Variants in FAT3 observed in about 807,000 individuals in gnomAD.
FAT3 encodes FAT atypical cadherin 3.
A neutral mutation model predicts 310.2 loss-of-function variants in FAT3; 95 were observed. That is an observed-to-expected ratio of 0.31 (90% CI 0.26 to 0.36). The LOEUF is 0.36. Ranked by LOEUF, FAT3 falls within the 10% of genes least tolerant of loss-of-function variation. FAT3 has a pLI of 1.00. For missense variants in FAT3, 5,408 were observed against 5,715.6 expected (o/e 0.95, Z 1.74); for synonymous variants, 2,314 against 2,192.9 (o/e 1.06, Z -1.54).
chr11:92,594,712 G>A (rs522732), intron 3 of FAT3, among the ~76,000 whole-genome samples: 72,628 of 151,786 alleles, frequency 0.48, 17,596 homozygotes, highest in African/African-American at 0.49. Flanking sequence ...TTAATTATTC[G>A]TAACTCGGAG....
At chr11:92,682,912 T>C (rs1050284338) in intron 3 of FAT3, among the ~76,000 whole-genome samples, 2 of 152,008 alleles carry the variant, frequency 1.3e-5, no homozygotes, top group African/African-American at 4.8e-5. Context: ...ACCCAGTCTC[T>C]ACTAAAAATA....
chr11:92,750,988 G>A (rs568350282), intron 4 of FAT3, among the ~76,000 whole-genome samples: 10 of 152,328 alleles, frequency 6.6e-5, no homozygotes, highest in East Asian at 3.9e-4. Context: ...AATTGTTCAC[G>A]TTTCCTGTGG....
intron 2 of FAT3, among the ~76,000 whole-genome samples, chr11:92,418,708 G>A (rs979485807): frequency 2.2e-4 from 33 of 152,094 alleles, no homozygotes; most frequent in Admixed American, 1.8e-3. Context: ...GCTCATTTCT[G>A]TCTGCAGTAG....
intron 1 of FAT3, among the ~76,000 whole-genome samples, chr11:92,264,273 G>A (rs1206843462): frequency 6.6e-6 from 1 of 152,114 alleles, no homozygotes; most frequent in African/African-American, 2.4e-5. Context: ...ATGTGTATCT[G>A]GAATACTTTA....
intron 3 of FAT3, among the ~76,000 whole-genome samples, chr11:92,612,740 G>A (rs560884242): frequency 6.6e-6 from 1 of 152,302 alleles, no homozygotes; most frequent in South Asian, 2.1e-4. Context: ...GAAGTTTGCA[G>A]GTGGGAACGA....
intron 2 of FAT3, among the ~76,000 whole-genome samples, chr11:92,384,888 T>G (rs1050011223): frequency 3.9e-5 from 6 of 152,186 alleles, no homozygotes; most frequent in Non-Finnish European, 8.8e-5. Context: ...TTCATAAAGC[T>G]TGCTTCCACG....
At chr11:92,580,201 T>C (rs530938760) in intron 3 of FAT3, among the ~76,000 whole-genome samples, 1 of 152,178 alleles carries the variant, frequency 6.6e-6, no homozygotes, top group South Asian at 2.1e-4. Context: ...CTGAAGTTCT[T>C]ACTCTTCATT....
chr11:92,518,101 G>C (rs1565378314), intron 2 of FAT3, among the ~76,000 whole-genome samples: 2 of 151,938 alleles, frequency 1.3e-5, no homozygotes, highest in Non-Finnish European at 2.9e-5. Flanking sequence ...GCCAAATAAT[G>C]CTAGAAATAT....
chr11:92,586,404 A>G (rs1055852580), intron 3 of FAT3, among the ~76,000 whole-genome samples: 2 of 151,958 alleles, frequency 1.3e-5, no homozygotes, highest in Admixed American at 6.6e-5. Flanking sequence ...GAAGAAAACT[A>G]AAGCCTTGTG....
intron 2 of FAT3, among the ~76,000 whole-genome samples, chr11:92,386,467 T>C (rs922717124): frequency 6.6e-6 from 1 of 152,226 alleles, no homozygotes; most frequent in African/African-American, 2.4e-5. Context: ...TATAAAGTTG[T>C]TCATGTATCT....
intron 2 of FAT3, among the ~76,000 whole-genome samples, chr11:92,421,994 A>G (rs544957473): frequency 6.6e-6 from 1 of 152,296 alleles, no homozygotes; most frequent in African/African-American, 2.4e-5. Context: ...CGCAGGTCTG[A>G]CTGGCATTAC....
chr11:92,855,879 C>T (rs893137008), intron 19 of FAT3, among the ~76,000 whole-genome samples: 25 of 151,930 alleles, frequency 1.6e-4, no homozygotes, highest in African/African-American at 5.6e-4. Context: ...ACTTATATTG[C>T]TCCTGTCAAG....
intron 2 of FAT3, among the ~76,000 whole-genome samples, chr11:92,444,965 G>A (rs1255876908): frequency 6.6e-6 from 1 of 152,142 alleles, no homozygotes; most frequent in Non-Finnish European, 1.5e-5. Flanking sequence ...CTCCAAATGT[G>A]ACTATATTTG....
intron 3 of FAT3, among the ~76,000 whole-genome samples, chr11:92,659,188 A>C (rs761692848): frequency 2.0e-5 from 3 of 152,206 alleles, no homozygotes; most frequent in Non-Finnish European, 2.9e-5. Flanking sequence ...ACAGTTGAAA[A>C]TACTAAAATT....
chr11:92,598,695 A>T (rs559397357), intron 3 of FAT3, among the ~76,000 whole-genome samples: 19 of 152,306 alleles, frequency 1.2e-4, no homozygotes, highest in African/African-American at 4.3e-4. Flanking sequence ...GCTTTAGAGG[A>T]TTATACACAG....
chr11:92,387,765 C>T (rs1281132631), intron 2 of FAT3, among the ~76,000 whole-genome samples: 6 of 152,112 alleles, frequency 3.9e-5, no homozygotes, highest in Non-Finnish European at 7.3e-5. Context: ...GCCATTGACA[C>T]ATCAGGCAGA....
At chr11:92,259,514 G>A (rs532414367) in intron 1 of FAT3, among the ~76,000 whole-genome samples, 9 of 151,182 alleles carry the variant, frequency 6.0e-5, no homozygotes, top group Non-Finnish European at 1.2e-4. Flanking sequence ...AGACATGAAT[G>A]GACTTTAAAT....
rs1446431872 is a variant in FAT3 at position 92,890,652 on chromosome 11, T to C, written c.13309T>C (p.Tyr4437His). 1 of 1,613,780 alleles carries C rather than the reference T, an allele frequency of 6.2e-7. No individual in the cohort carries two copies. Among genetic ancestry groups the C allele is most frequent in the Admixed American group, 1.7e-5 (1 of 59,990 alleles). Reference protein sequence around the residue: ...YLGGYDIDSEYPPPHEEEFLS... With the variant: ...YLGGYDIDSEHPPPHEEEFLS... ...GGGTGGTTATGACATTGACAGTGAA[T>C]ACCCACCCCCTCATGAAGAGGAGTT... The change falls in exon 28 of 28, where the codon TAC becomes CAC. Residue 4437 changes from tyrosine (Y) to histidine (H), a missense_variant. Coordinates refer to ENST00000525166, the MANE Select transcript of FAT3 (RefSeq NM_001367949.2).
intron 3 of FAT3, among the ~76,000 whole-genome samples, chr11:92,622,647 C>A (rs543259688): frequency 2.1e-4 from 32 of 152,274 alleles, no homozygotes; most frequent in Non-Finnish European, 4.1e-4. Flanking sequence ...CATCAGAAGT[C>A]ATGCATGACC....
Sources: allele counts gnomAD v4.1 joint callset (sites outside exome capture counted in the v4.1 genomes callset), GRCh38; gene constraint gnomAD v4.1.1; transcripts MANE v1.5; gene names NCBI Gene and HGNC (gene_info 2026-07-23, HGNC 2026-07-21).